PIWIL1: variants seen among roughly 807,000 people sequenced by gnomAD.
The protein encoded by PIWIL1 is piwi like RNA-mediated gene silencing 1, also known as piwi-like protein 1.
Under a neutral mutation model 114.4 loss-of-function variants are expected in PIWIL1, and 73 were observed. The ratio of observed to expected loss-of-function variants is 0.64; its 90% CI spans 0.53 to 0.78. The LOEUF is 0.78. PIWIL1 is among the 30% of genes least tolerant of loss of function. The probability of loss-of-function intolerance (pLI) is 0.00; values close to 1 mark genes in which losing one functional copy is unlikely to be tolerated. For synonymous variants in PIWIL1, 375 were observed against 369.0 expected, an observed-to-expected ratio of 1.02 and a Z score of -0.19; for missense variants, 723 against 1,063.1, an observed-to-expected ratio of 0.68 and a Z score of 4.45.
At chr12:130,397,138 C>G in the PIWIL1 span, 1 of 327,872 alleles carries the variant, frequency 3.0e-6, no homozygotes, top group Admixed American at 4.9e-5. Flanking sequence ...CCTCCCAAAT[C>G]AGAGCTTGGA....
At chr12:130,356,848 T>C (rs1452151082) in intron 12 of PIWIL1, 70 bp from the exon 13 acceptor site, 1 of 1,073,462 alleles carries the variant, frequency 9.3e-7, no homozygotes, top group African/African-American at 1.6e-5. Flanking sequence ...GGTAGAATTA[T>C]TGAAGACTGT....
the PIWIL1 span, among the ~76,000 whole-genome samples, chr12:130,408,828 C>T: frequency 6.6e-6 from 1 of 152,214 alleles, no homozygotes; most frequent in African/African-American, 2.4e-5. Flanking sequence ...ATCTCAACGG[C>T]AACTAAAGTC....
downstream of PIWIL1, among the ~76,000 whole-genome samples, chr12:130,374,705 G>A (rs1472654261): frequency 6.6e-6 from 1 of 152,094 alleles, no homozygotes; most frequent in Non-Finnish European, 1.5e-5. Context: ...GGAACCCCAC[G>A]ACCAGTGGCA....
the PIWIL1 span, chr12:130,399,045 T>G: frequency 2.6e-6 from 2 of 770,818 alleles, no homozygotes; most frequent in East Asian, 6.1e-5. Flanking sequence ...AAGCCTTAAG[T>G]CTACCACACT....
At chr12:130,417,685 C>T in the PIWIL1 span, among the ~76,000 whole-genome samples, 1 of 152,212 alleles carries the variant, frequency 6.6e-6, no homozygotes, top group Non-Finnish European at 1.5e-5. Context: ...CTGCACTATA[C>T]CCATGTAACA....
the PIWIL1 span, among the ~76,000 whole-genome samples, chr12:130,385,952 T>C: frequency 2.6e-5 from 4 of 152,204 alleles, no homozygotes; most frequent in African/African-American, 9.7e-5. Context: ...GTCCTTTACT[T>C]GTCTATCTTA....
chr12:130,382,007 T>C, the PIWIL1 span, among the ~76,000 whole-genome samples: 5,676 of 152,296 alleles, frequency 0.037, 177 homozygotes, highest in South Asian at 0.13. Flanking sequence ...TGTTGTCTCA[T>C]TGTTGAGTTG....
At chr12:130,422,608 A>C in the PIWIL1 span, 1 of 1,359,356 alleles carries the variant, frequency 7.4e-7, no homozygotes, top group Non-Finnish European at 1.0e-6. The surrounding 1 kb of genome is among the most constrained non-coding windows in gnomAD (Gnocchi z 5.2). Flanking sequence ...CAGCATTGGG[A>C]ACTGAAGAAT....
the PIWIL1 span, among the ~76,000 whole-genome samples, chr12:130,391,726 G>A: frequency 6.6e-6 from 1 of 152,148 alleles, no homozygotes; most frequent in South Asian, 2.1e-4. Context: ...AGCAGAGAGG[G>A]TCTGAGTGTC....
At chr12:130,358,743 C>A (rs908706659) in intron 14 of PIWIL1, among the ~76,000 whole-genome samples, 1 of 152,130 alleles carries the variant, frequency 6.6e-6, no homozygotes, top group Admixed American at 6.5e-5. Flanking sequence ...CACTGTTTGT[C>A]CAGCTTTCTA....
At chr12:130,339,283 T>A (rs1166109579) in intron 1 of PIWIL1, among the ~76,000 whole-genome samples, 4 of 152,082 alleles carry the variant, frequency 2.6e-5, no homozygotes, top group Non-Finnish European at 5.9e-5. Flanking sequence ...CGTCCTGGGA[T>A]GGATGCTCTC....
rs74516475 is a variant in PIWIL1 at position 130,364,934 on chromosome 12, A to G, written c.2195+1790A>G. ...GTCACATTCCCTTGAGCTGAATTGT[A>G]GGGCTACTAGGAGTACACACTCCTG... On this transcript the variant is annotated intron_variant, in intron 18 of 20. Coordinates refer to ENST00000245255, the MANE Select transcript of PIWIL1 (RefSeq NM_004764.5). Among the ~76,000 whole-genome samples the G allele has an allele frequency of 7.3e-3, 1,113 of 152,336 alleles. 8 individuals carry two copies. Among genetic ancestry groups the G allele is most frequent in the Non-Finnish European group, 0.013 (869 of 68,042 alleles).
the PIWIL1 span, among the ~76,000 whole-genome samples, chr12:130,383,068 C>T: frequency 4.1e-4 from 63 of 152,314 alleles, 1 homozygote; most frequent in South Asian, 9.7e-3. Flanking sequence ...CCAGACTGTG[C>T]AGCTTTTATA....
At chr12:130,391,232 G>A in the PIWIL1 span, among the ~76,000 whole-genome samples, 25 of 152,218 alleles carry the variant, frequency 1.6e-4, no homozygotes, top group Non-Finnish European at 2.8e-4. Context: ...AGGTGAGGCC[G>A]CCTGCCTTCT....
At chr12:130,343,713 C>A (rs1035037918) in intron 3 of PIWIL1, among the ~76,000 whole-genome samples, 1 of 150,836 alleles carries the variant, frequency 6.6e-6, no homozygotes, top group Admixed American at 6.6e-5. Context: ...GCAGACTCCA[C>A]CTCCTGGGTT....
At chr12:130,372,833 C>T (rs71466500), downstream of PIWIL1, among the ~76,000 whole-genome samples, 3,936 of 152,104 alleles carry the variant, frequency 0.026, 56 homozygotes, top group Middle Eastern at 0.048. Context: ...TTCTCAGGAA[C>T]GTTTGCAAAG....
At chr12:130,353,325 C>A (rs866894365) in intron 9 of PIWIL1, among the ~76,000 whole-genome samples, 1 of 94,688 alleles carries the variant, frequency 1.1e-5, no homozygotes, top group African/African-American at 4.0e-5. Context: ...GTGGTTTTTT[C>A]TTCTGGTGTG....
intron 1 of PIWIL1, among the ~76,000 whole-genome samples, chr12:130,341,838 C>T (rs1235721930): frequency 1.3e-5 from 2 of 152,180 alleles, no homozygotes; most frequent in East Asian, 1.9e-4. Flanking sequence ...GAGCCCAAAG[C>T]TGATCCCAGC....
the PIWIL1 span, among the ~76,000 whole-genome samples, chr12:130,408,697 T>A: frequency 6.6e-6 from 1 of 152,222 alleles, no homozygotes; most frequent in Non-Finnish European, 1.5e-5. Context: ...GGTGGGGCTG[T>A]GAAGGACTTT....
Sources: gnomAD v4.1 joint callset for allele counts (sites outside exome capture counted in the v4.1 genomes callset) on GRCh38, gnomAD v4.1.1 for gene constraint, Gnocchi (gnomAD v3.1) non-coding constraint, MANE v1.5 for transcripts, NCBI Gene and HGNC (gene_info 2026-07-23, HGNC 2026-07-21) for gene names.